The following PLXNA4 variants were observed in gnomAD, a reference collection of about 807,000 sequenced individuals.
PLXNA4 encodes the protein plexin-A4.
Under a neutral mutation model 191.8 loss-of-function variants are expected in PLXNA4, and 44 were observed. That is an observed-to-expected ratio of 0.23 (90% confidence interval 0.18 to 0.29). The LOEUF (loss-of-function observed/expected upper bound fraction) is 0.29. Among genes scored for constraint, PLXNA4 ranks in the 10% least tolerant of loss-of-function variants. PLXNA4 has a pLI of 1.00. For synonymous variants in PLXNA4, 1,082 were observed against 1,009.5 expected (o/e 1.07, Z -1.36); for missense variants, 1,800 against 2,488.8 (o/e 0.72, Z 5.89).
chr7:132,384,409 ACCT>A, intron 3 of PLXNA4: 1 of 985,058 alleles, frequency 1.0e-6, no homozygotes, highest in African/African-American at 1.8e-5. Context: ...TTCGCCACTC[ACCT>A]CCTCCTCCCC....
chr7:132,645,066 G>T (rs1392568760), intron 2 of PLXNA4, among the ~76,000 whole-genome samples: 1 of 152,204 alleles, frequency 6.6e-6, no homozygotes, highest in Non-Finnish European at 1.5e-5. Flanking sequence ...AGCTTAGTTT[G>T]CAGAGCTGAG....
chr7:132,358,846 T>A (rs1040407685), intron 3 of PLXNA4, among the ~76,000 whole-genome samples: 5 of 152,112 alleles, frequency 3.3e-5, no homozygotes, highest in African/African-American at 1.2e-4. Context: ...GCAGGGTGAT[T>A]GAGACTTGAA....
chr7:132,455,013 G>C (rs1228836333), intron 3 of PLXNA4, among the ~76,000 whole-genome samples: 2 of 152,140 alleles, frequency 1.3e-5, no homozygotes, highest in African/African-American at 2.4e-5. Context: ...CAGGTTCTGT[G>C]TATCCCTGCA....
At chr7:132,485,346 G>A (rs1393100965) in intron 3 of PLXNA4, among the ~76,000 whole-genome samples, 1 of 152,136 alleles carries the variant, frequency 6.6e-6, no homozygotes, top group Non-Finnish European at 1.5e-5. Flanking sequence ...CCAGCGAGAG[G>A]AGCAATCACA....
At chr7:132,374,468 C>A (rs937985982) in intron 3 of PLXNA4, among the ~76,000 whole-genome samples, 11 of 152,140 alleles carry the variant, frequency 7.2e-5, no homozygotes, top group Non-Finnish European at 1.0e-4. Context: ...CAGGCCTACA[C>A]CAGCAAAGGC....
At chr7:132,451,202 T>A (rs529612401) in intron 3 of PLXNA4, among the ~76,000 whole-genome samples, 2 of 152,172 alleles carry the variant, frequency 1.3e-5, no homozygotes, top group Non-Finnish European at 1.5e-5. Flanking sequence ...TGAGGCCTCA[T>A]CCACGCTGGT....
At chr7:132,429,320 C>T (rs970769107) in intron 3 of PLXNA4, among the ~76,000 whole-genome samples, 1 of 152,176 alleles carries the variant, frequency 6.6e-6, no homozygotes, top group African/African-American at 2.4e-5. Flanking sequence ...GGAAATTCTA[C>T]CTTCTTGACC....
At chr7:132,179,317 A>C (rs1427109447) in intron 20 of PLXNA4, among the ~76,000 whole-genome samples, 3 of 133,180 alleles carry the variant, frequency 2.3e-5, no homozygotes, top group Non-Finnish European at 4.6e-5. Context: ...ACATACACAC[A>C]CATGCACACG....
chr7:132,579,590 T>C (rs1438288014), upstream of PLXNA4, among the ~76,000 whole-genome samples: 1 of 151,512 alleles, frequency 6.6e-6, no homozygotes, highest in African/African-American at 2.4e-5. Context: ...TCCTGCCTAG[T>C]GTGTGGTGTC....
rs1433158976 is a variant in PLXNA4 at position 132,303,068 on chromosome 7, G to A, written c.1372-4846C>T. 2.0e-5 allele frequency among the ~76,000 whole-genome samples: 3 copies of A among 151,490 alleles called. No individual in the cohort carries two copies. The East Asian group carries it at 6.0e-4, about 30-fold the overall frequency. ...ATTTTTGTATTGTTAGTAGAGACGGGGTTTCACCATATTTGCCAGGCTGGT... is the reference window on the plus strand; with the variant it reads ...ATTTTTGTATTGTTAGTAGAGACGGAGTTTCACCATATTTGCCAGGCTGGT... On this transcript the variant is annotated intron_variant, in intron 3 of 31. Coordinates refer to ENST00000321063, the MANE Select transcript of PLXNA4 (RefSeq NM_020911.2).
intron 3 of PLXNA4, among the ~76,000 whole-genome samples, chr7:132,417,272 C>T (rs1226331971): frequency 6.6e-6 from 1 of 152,140 alleles, no homozygotes; most frequent in Admixed American, 6.5e-5. Context: ...TCTGGACATT[C>T]TTGGGCATCT....
At chr7:132,378,867 T>G (rs1804772069) in intron 3 of PLXNA4, among the ~76,000 whole-genome samples, 5 of 149,104 alleles carry the variant, frequency 3.4e-5, no homozygotes, top group Non-Finnish European at 5.9e-5. Context: ...TTTTTTTTTT[T>G]GAAATGGAGT....
chr7:132,240,495 C>T (rs1562986406), intron 5 of PLXNA4, among the ~76,000 whole-genome samples: 1 of 152,250 alleles, frequency 6.6e-6, no homozygotes, highest in Non-Finnish European at 1.5e-5. Flanking sequence ...CCCAAGTGCA[C>T]TCACAGCCAG....
intron 1 of PLXNA4, among the ~76,000 whole-genome samples, chr7:132,647,987 G>C (rs954175084): frequency 6.6e-6 from 1 of 151,130 alleles, no homozygotes; most frequent in Non-Finnish European, 1.5e-5. Context: ...AAACACTCAT[G>C]AACACACAGT....
intron 4 of PLXNA4, among the ~76,000 whole-genome samples, chr7:132,269,831 C>T (rs1389531356): frequency 6.6e-6 from 1 of 152,004 alleles, no homozygotes; most frequent in East Asian, 1.9e-4. Context: ...TCTGATATTG[C>T]TATTGCTAGA....
At chr7:132,172,536 C>T (rs1287280984) in intron 21 of PLXNA4, among the ~76,000 whole-genome samples, 1 of 151,814 alleles carries the variant, frequency 6.6e-6, no homozygotes, top group Non-Finnish European at 1.5e-5. Context: ...TGTTTCCATA[C>T]TTAGAACACC....
At chr7:132,224,020 C>T (rs553578229) in intron 8 of PLXNA4, among the ~76,000 whole-genome samples, 34 of 152,190 alleles carry the variant, frequency 2.2e-4, no homozygotes, top group Admixed American at 1.8e-3. Flanking sequence ...AAATTGACTC[C>T]GGGTCTCTGC....
chr7:132,542,169 T>C (rs574545925), intron 1 of PLXNA4, among the ~76,000 whole-genome samples: 1 of 152,164 alleles, frequency 6.6e-6, no homozygotes, highest in South Asian at 2.1e-4. Flanking sequence ...ACATGACTGG[T>C]GCCCAGGACA....
intron 1 of PLXNA4, among the ~76,000 whole-genome samples, chr7:132,514,790 C>G (rs1313205794): frequency 7.2e-6 from 1 of 139,278 alleles, no homozygotes; most frequent in Non-Finnish European, 1.5e-5. Context: ...AAATCAATCT[C>G]TGTGTCTCTA....
Sources: allele counts gnomAD v4.1 joint callset (sites outside exome capture counted in the v4.1 genomes callset), GRCh38; gene constraint gnomAD v4.1.1; transcripts MANE v1.5; gene names NCBI Gene and HGNC (gene_info 2026-07-23, HGNC 2026-07-21).